The following B4GALNT3 variants were observed in gnomAD, a reference collection of about 807,000 sequenced individuals.
The protein encoded by B4GALNT3 is beta-1,4-N-acetyl-galactosaminyltransferase 3.
Under a neutral mutation model 120.2 loss-of-function variants are expected in B4GALNT3, and 86 were observed. The ratio of observed to expected loss-of-function variants is 0.72; its 90% confidence interval spans 0.60 to 0.86. The LOEUF (loss-of-function observed/expected upper bound fraction) is 0.86. Among genes scored for constraint, B4GALNT3 ranks in the 40% least tolerant of loss-of-function variants. The pLI, the probability that B4GALNT3 is intolerant of heterozygous loss-of-function variation, is 0.00. For missense variants in B4GALNT3, 1,167 were observed against 1,298.9 expected, an observed-to-expected ratio of 0.90 and a Z score of 1.56; for synonymous variants, 518 against 510.4, an observed-to-expected ratio of 1.01 and a Z score of -0.20.
intron 1 of B4GALNT3, among the ~76,000 whole-genome samples, chr12:533,693 G>A (rs1289451737): frequency 6.6e-6 from 1 of 152,214 alleles, no homozygotes; most frequent in East Asian, 1.9e-4. Flanking sequence ...GTGAAATGGG[G>A]TCATGGAGCT....
rs541536639 is a variant in B4GALNT3 at position 545,405 on chromosome 12, C to T, written c.575C>T (p.Ala192Val). 30 of 1,612,134 alleles carry T rather than the reference C, an allele frequency of 1.9e-5. No homozygotes were observed. The highest frequency in any genetic ancestry group is 8.9e-5 in the East Asian group (4 of 44,852). The change falls in exon 6 of 20, where the codon GCG becomes GTG. Residue 192 changes from alanine (A) to valine (V), a missense_variant. By Grantham distance (64) the Ala-to-Val change is moderately conservative. This residue lies in a region of B4GALNT3 where 983 missense variants were observed against 1,102.5 expected (regional missense o/e 0.89). Transcript: ENST00000266383. ...IQFAIAADDN[A>V]EFWLSLDDQV... Reference sequence around the variant, plus strand: ...TTTGCCATTGCTGCAGATGACAACGCGGAGTTCTGGCTGAGCCTCGATGAC... The same window carrying T: ...TTTGCCATTGCTGCAGATGACAACGTGGAGTTCTGGCTGAGCCTCGATGAC...
intron 1 of B4GALNT3, among the ~76,000 whole-genome samples, chr12:463,430 G>A (rs1946044374): frequency 1.3e-5 from 2 of 152,160 alleles, no homozygotes; most frequent in Non-Finnish European, 1.5e-5. Flanking sequence ...ATTGACAAAA[G>A]AATTAGGACT....
rs1947067524 is a variant in B4GALNT3 at position 550,473 on chromosome 12, A to G, written c.998-449A>G. ...CACTGCACTCCAGCCTGGGTGACAGAGTGAGATCCTGTCAAAAAAAACAAA... is the reference window on the plus strand; with the variant it reads ...CACTGCACTCCAGCCTGGGTGACAGGGTGAGATCCTGTCAAAAAAAACAAA... On this transcript the variant is annotated intron_variant, in intron 10 of 19. Transcript: ENST00000266383. The surrounding 1 kb of genome is among the most constrained non-coding windows in gnomAD (Gnocchi z 4.1). Among the ~76,000 whole-genome samples the G allele has an allele frequency of 6.6e-6, 1 of 152,032 alleles. No individual in the cohort carries two copies. Among genetic ancestry groups the G allele is most frequent in the Admixed American group, 6.6e-5 (1 of 15,238 alleles).
In B4GALNT3 at chr12:546,647, C is replaced by T; in HGVS notation, c.641C>T (p.Thr214Ile). 1.9e-6 allele frequency: 3 copies of T among 1,551,394 alleles called. No individual in the cohort carries two copies. Among genetic ancestry groups the T allele is most frequent in the South Asian group, 1.2e-5 (1 of 84,056 alleles). Reference sequence around the variant, plus strand: ...CTCTTCTCTCTTCCACACCTCTAGACTGGAAAGGAGTGGACCGCCCCGGGA... The same window carrying T: ...CTCTTCTCTCTTCCACACCTCTAGATTGGAAAGGAGTGGACCGCCCCGGGA... ...GLQLLASVGK[T>I]GKEWTAPGEF... Residue 214 changes from threonine to isoleucine, a missense_variant and splice_region_variant, in exon 7 of 20, where the codon ACT (threonine) becomes ATT (isoleucine). Physicochemically the swap from Thr to Ile is moderately conservative, Grantham distance 89. This residue lies in a region of B4GALNT3 where 983 missense variants were observed against 1,102.5 expected (regional missense o/e 0.89). Coordinates refer to ENST00000266383, the MANE Select transcript of B4GALNT3 (RefSeq NM_173593.4).
intron 1 of B4GALNT3, among the ~76,000 whole-genome samples, chr12:513,095 G>GCCTTCCA (rs1364662023): frequency 2.5e-4 from 23 of 91,226 alleles, no homozygotes; most frequent in African/African-American, 1.1e-3. Context: ...TCCACCTTCC[G>GCCTTCCA]CCTTCCACCT....
chr12:484,352 G>T (rs2120483256), intron 1 of B4GALNT3, among the ~76,000 whole-genome samples: 1 of 152,264 alleles, frequency 6.6e-6, no homozygotes, highest in Admixed American at 6.5e-5. Context: ...CCATCCTGTT[G>T]GCACGTGCCA....
intron 1 of B4GALNT3, among the ~76,000 whole-genome samples, chr12:506,523 T>A: frequency 6.6e-6 from 1 of 152,234 alleles, no homozygotes. Flanking sequence ...TTCACAGAAG[T>A]AAGCACCATA....
intron 3 of B4GALNT3, chr12:543,135 G>A: frequency 9.1e-6 from 11 of 1,204,418 alleles, no homozygotes; most frequent in South Asian, 1.3e-5. Context: ...GGGAGAGTAT[G>A]TGTGTGTGTG....
intron 3 of B4GALNT3, among the ~76,000 whole-genome samples, chr12:536,538 G>T (rs543982895): frequency 1.3e-5 from 2 of 152,084 alleles, no homozygotes; most frequent in Non-Finnish European, 2.9e-5. Flanking sequence ...TTTAGAGAAG[G>T]GGTCTCACTA....
chr12:549,684 G>GCGT, intron 9 of B4GALNT3, 85 bp from the exon 10 acceptor site: 1 of 1,547,456 alleles, frequency 6.5e-7, no homozygotes, highest in Non-Finnish European at 8.9e-7. Flanking sequence ...AGCCCCTTCT[G>GCGT]CGTCTCTTCC....
At chr12:545,527 C>T in intron 6 of B4GALNT3, 58 bp downstream of exon 6, 1 of 1,464,648 alleles carries the variant, frequency 6.8e-7, no homozygotes, top group Non-Finnish European at 9.3e-7. Context: ...TTCATTGAGT[C>T]CTCCAGCAGC....
intron 1 of B4GALNT3, among the ~76,000 whole-genome samples, chr12:462,363 C>T (rs1275156001): frequency 6.7e-6 from 1 of 149,522 alleles, no homozygotes; most frequent in Non-Finnish European, 1.5e-5. Context: ...TTTCTTTTAC[C>T]TCCGGTGTGT....
intron 3 of B4GALNT3, among the ~76,000 whole-genome samples, chr12:541,202 G>A (rs1946910615): frequency 6.6e-6 from 1 of 152,228 alleles, no homozygotes; most frequent in Non-Finnish European, 1.5e-5. Flanking sequence ...GGATATTCCT[G>A]TGTGACCCAC....
In B4GALNT3 at chr12:549,920, C is replaced by T; in HGVS notation, c.997+8C>T. The T allele has an allele frequency of 6.2e-7, 1 of 1,606,926 alleles. No homozygotes were observed. Among genetic ancestry groups the T allele is most frequent in the Non-Finnish European group, 8.5e-7 (1 of 1,177,180 alleles). ...GGGACACCCTCTATCGAGGTAAGGC[C>T]TCGGCCAGCGCTTGGCGTCCTTTCT... On this transcript the variant is annotated splice_region_variant and intron_variant, in intron 10 of 19. Transcript: ENST00000266383.
chr12:549,972 G>A, intron 10 of B4GALNT3, 60 bp downstream of exon 10: 1 of 1,526,336 alleles, frequency 6.6e-7, no homozygotes, highest in Admixed American at 2.0e-5. Context: ...CAGGTCCACT[G>A]CTGATGGTGG....
intron 3 of B4GALNT3, among the ~76,000 whole-genome samples, chr12:538,217 G>A (rs897571999): frequency 4.6e-5 from 7 of 152,208 alleles, no homozygotes; most frequent in East Asian, 1.9e-4. Context: ...AAGGCCATAT[G>A]TATAAACATA....
At chr12:527,660 C>A (rs1946769865) in intron 1 of B4GALNT3, among the ~76,000 whole-genome samples, 1 of 152,204 alleles carries the variant, frequency 6.6e-6, no homozygotes, top group Non-Finnish European at 1.5e-5. Flanking sequence ...ACCATGCACA[C>A]CTGTGCTGGG....
At chr12:549,639 T>C (rs1218508546) in intron 9 of B4GALNT3, 130 bp from the exon 10 acceptor site, 3 of 1,173,386 alleles carry the variant, frequency 2.6e-6, no homozygotes, top group Non-Finnish European at 3.6e-6. Context: ...GGAGTGTGGC[T>C]GCGCACATCC....
Position 460,841 on chromosome 12 carries a change from T to C in B4GALNT3, c.169+296T>C, listed in dbSNP as rs7954763. ...GACCCGGAGAGAGGCTCCCCGCCCG[T>C]CCCGCCGAGACGCTGGCGGAGACCG... On this transcript the variant is annotated intron_variant, in intron 1 of 19. Coordinates refer to ENST00000266383, the MANE Select transcript of B4GALNT3 (RefSeq NM_173593.4). The surrounding 1 kb of genome is among the most constrained non-coding windows in gnomAD (Gnocchi z 8.0). Among the ~76,000 whole-genome samples the C allele has an allele frequency of 0.96, 146,720 of 152,058 alleles. 70,905 individuals carry two copies. Among genetic ancestry groups the C allele is most frequent in the Non-Finnish European group, 1 (67,663 of 67,972 alleles).
Sources: allele counts gnomAD v4.1 joint callset (sites outside exome capture counted in the v4.1 genomes callset), GRCh38; gene constraint gnomAD v4.1.1; regional missense constraint gnomAD v4.1.1; non-coding constraint Gnocchi (gnomAD v3.1); transcripts MANE v1.5; gene names NCBI Gene and HGNC (gene_info 2026-07-23, HGNC 2026-07-21).